PRUNE2: variants seen among roughly 807,000 people sequenced by gnomAD.
The protein encoded by PRUNE2 is protein prune homolog 2.
In PRUNE2, 164 loss-of-function variants were observed where a neutral mutation model predicts 252.0. The ratio of observed to expected loss-of-function variants is 0.65; its 90% confidence interval spans 0.57 to 0.74. PRUNE2 has a LOEUF of 0.74. Ranked by LOEUF, PRUNE2 falls within the 30% of genes least tolerant of loss-of-function variation. The pLI is 0.00. For synonymous variants in PRUNE2, 1,292 were observed against 1,350.2 expected, an observed-to-expected ratio of 0.96 and a Z score of 0.94; for missense variants, 3,495 against 3,711.0, an observed-to-expected ratio of 0.94 and a Z score of 1.51.
chr9:76,646,152 CTG>C (rs1171768659), intron 11 of PRUNE2, among the ~76,000 whole-genome samples: 2 of 152,198 alleles, frequency 1.3e-5, no homozygotes, highest in African/African-American at 2.4e-5. Context: ...GGCTAAGAAA[CTG>C]TGCCTTGAAT....
At chr9:76,676,098 G>C (rs1021394773) in intron 9 of PRUNE2, among the ~76,000 whole-genome samples, 23 of 67,542 alleles carry the variant, frequency 3.4e-4, no homozygotes, top group African/African-American at 9.3e-4. Context: ...AAAACTAATA[G>C]CCAATATTTT....
intron 1 of PRUNE2, among the ~76,000 whole-genome samples, chr9:76,857,769 AG>A (rs950056232): frequency 5.3e-5 from 8 of 152,216 alleles, no homozygotes; most frequent in Admixed American, 3.9e-4. Context: ...GAGCAAACAC[AG>A]GGGTCAAGCC....
chr9:76,878,027 A>G (rs1296678823), intron 1 of PRUNE2, among the ~76,000 whole-genome samples: 1 of 152,220 alleles, frequency 6.6e-6, no homozygotes, highest in Non-Finnish European at 1.5e-5. Flanking sequence ...GGTAGGAATC[A>G]ATAGCTGCAT....
At chr9:76,622,150 A>G (rs891000526) in intron 17 of PRUNE2, among the ~76,000 whole-genome samples, 2 of 152,238 alleles carry the variant, frequency 1.3e-5, no homozygotes, top group Non-Finnish European at 2.9e-5. Context: ...ATGCAAATTC[A>G]TTAATTTATG....
chr9:76,649,519 G>A (rs1185023909), intron 11 of PRUNE2, among the ~76,000 whole-genome samples: 1 of 152,104 alleles, frequency 6.6e-6, no homozygotes, highest in Non-Finnish European at 1.5e-5. Flanking sequence ...CTGGGTGGTC[G>A]AGGTGGCAGT....
At chr9:76,765,508 A>T (rs1385000181) in intron 6 of PRUNE2, among the ~76,000 whole-genome samples, 1 of 152,186 alleles carries the variant, frequency 6.6e-6, no homozygotes, top group Non-Finnish European at 1.5e-5. Context: ...CACTATAAAC[A>T]GCTCTCATAA....
chr9:76,764,237 CAAATAAAT>C (rs921843579), intron 6 of PRUNE2, among the ~76,000 whole-genome samples: 24 of 122,686 alleles, frequency 2.0e-4, no homozygotes, highest in East Asian at 6.0e-4. Context: ...AACAAACAAA[CAAATAAAT>C]AAATAAATAA....
Position 76,704,996 on chromosome 9 carries a change from TGC to T in PRUNE2, c.7276_7277del (p.Ala2426SerfsTer10). On this transcript the variant is annotated frameshift_variant, in exon 8 of 19. Transcript: ENST00000376718. LOFTEE classifies it high-confidence loss of function. ...GAAGTGCAGAAAGCACTATCTCTGC[TGC>T]TCTGCATCCCAGAGATTCATCCTCT... ...SPEDESLGCR[A>X]AEIVLSALPD... 1 of 1,613,874 alleles carries T rather than the reference TGC, an allele frequency of 6.2e-7. No individual in the cohort carries two copies. Among genetic ancestry groups the T allele is most frequent in the Non-Finnish European group, 8.5e-7 (1 of 1,179,780 alleles).
rs79610447 is a variant in PRUNE2, at chr9:76,825,499, C to T, written c.661+1081G>A. Among the ~76,000 whole-genome samples, 467 of 152,348 alleles carry T rather than the reference C, an allele frequency of 3.1e-3. 1 individual carries two copies. Among genetic ancestry groups the T allele is most frequent in the Middle Eastern group, 6.8e-3 (2 of 294 alleles). ...ACCACCTCCCACATAAACCACTTTG[C>T]CTCAGGCTCTGCCCCCTCCTGCCCC... On this transcript the variant is annotated intron_variant, in intron 5 of 18. Coordinates refer to ENST00000376718, the MANE Select transcript of PRUNE2 (RefSeq NM_015225.3).
chr9:76,619,521 C>T, intron 17 of PRUNE2, 134 bp from the exon 18 acceptor site: 1 of 656,762 alleles, frequency 1.5e-6, no homozygotes, highest in Non-Finnish European at 2.7e-6. Context: ...CATACCTGAA[C>T]AGATGATAAG....
intron 6 of PRUNE2, among the ~76,000 whole-genome samples, chr9:76,815,219 C>T (rs2057607243): frequency 6.6e-6 from 1 of 152,218 alleles, no homozygotes; most frequent in Non-Finnish European, 1.5e-5. Flanking sequence ...CAGAGCACCA[C>T]CCTATGCCAA....
intron 1 of PRUNE2, among the ~76,000 whole-genome samples, chr9:76,886,382 G>A (rs575223217): frequency 2.1e-4 from 32 of 152,112 alleles, no homozygotes; most frequent in African/African-American, 7.7e-4. Flanking sequence ...TCACCTTAAG[G>A]CTCTCAGGCT....
intron 6 of PRUNE2, among the ~76,000 whole-genome samples, chr9:76,797,038 T>TA (rs1554774312): frequency 6.6e-6 from 1 of 151,640 alleles, no homozygotes; most frequent in Non-Finnish European, 1.5e-5. Flanking sequence ...CACTCACACA[T>TA]ACACACACAC....
chr9:76,803,126 A>C (rs1055943876), intron 6 of PRUNE2, among the ~76,000 whole-genome samples: 7 of 152,206 alleles, frequency 4.6e-5, no homozygotes, highest in African/African-American at 1.7e-4. Flanking sequence ...AATGCCTTCT[A>C]AGATGGTGAG....
chr9:76,896,419 A>G (rs756247635), intron 1 of PRUNE2, among the ~76,000 whole-genome samples: 1 of 152,152 alleles, frequency 6.6e-6, no homozygotes, highest in East Asian at 1.9e-4. Context: ...CCTTTGCCCA[A>G]TTCCTAGTTT....
At position 76,879,051 on chromosome 9, in the gene PRUNE2, G is replaced by A. The variant is rs536916146; in HGVS notation, c.37-24843C>T. ...TGATGAAAAGTGAGTCAGGAAGCCT[G>A]TGCATAGGAAAGCATTTTCCAAAGT... On this transcript the variant is annotated intron_variant, in intron 1 of 18. Coordinates refer to ENST00000376718, the MANE Select transcript of PRUNE2 (RefSeq NM_015225.3). 1.2e-4 allele frequency among the ~76,000 whole-genome samples: 18 copies of A among 152,296 alleles called. No individual in the cohort carries two copies. In the East Asian group the frequency reaches 2.9e-3, roughly 24 times the overall value.
intron 9 of PRUNE2, among the ~76,000 whole-genome samples, chr9:76,662,002 C>G (rs574314705): frequency 6.6e-6 from 1 of 152,162 alleles, no homozygotes; most frequent in South Asian, 2.1e-4. Flanking sequence ...CACAAAAAGT[C>G]TCCAATCACA....
At chr9:76,884,690 G>A (rs780595795) in intron 1 of PRUNE2, among the ~76,000 whole-genome samples, 10 of 152,022 alleles carry the variant, frequency 6.6e-5, no homozygotes, top group East Asian at 3.9e-4. Flanking sequence ...CCCATTGAAC[G>A]GCATTACTAG....
chr9:76,694,465 G>C (rs900540998), intron 9 of PRUNE2, among the ~76,000 whole-genome samples: 6 of 152,234 alleles, frequency 3.9e-5, no homozygotes, highest in African/African-American at 1.4e-4. Flanking sequence ...TTACAGGTGT[G>C]AGCCACCACA....
Sources: allele counts gnomAD v4.1 joint callset (sites outside exome capture counted in the v4.1 genomes callset), GRCh38; gene constraint gnomAD v4.1.1; transcripts MANE v1.5; gene names NCBI Gene and HGNC (gene_info 2026-07-23, HGNC 2026-07-21).